MAP1LC3B: variants seen among roughly 807,000 people sequenced by gnomAD.
The protein encoded by MAP1LC3B is microtubule associated protein 1 light chain 3 beta.
MAP1LC3B carries 12 observed loss-of-function variants against 16.7 expected under a neutral mutation model. The observed-to-expected ratio is 0.72, with a 90% CI of 0.46 to 1.16. The LOEUF (loss-of-function observed/expected upper bound fraction) is 1.16. MAP1LC3B is among the 50% of genes most tolerant of loss of function. The pLI is 0.00. For missense variants in MAP1LC3B, 155 were observed against 159.5 expected, an observed-to-expected ratio of 0.97 and a Z score of 0.15; for synonymous variants, 63 against 56.5, an observed-to-expected ratio of 1.11 and a Z score of -0.51.
chr16:87,394,455 A>G (rs1187769443), intron 1 of MAP1LC3B, among the ~76,000 whole-genome samples: 1 of 152,204 alleles, frequency 6.6e-6, no homozygotes, highest in Non-Finnish European at 1.5e-5. Context: ...TTTCCAAGTG[A>G]GTGAGTTTAA....
intron 1 of MAP1LC3B, among the ~76,000 whole-genome samples, chr16:87,396,271 T>C (rs1301290612): frequency 6.6e-6 from 1 of 151,202 alleles, no homozygotes; most frequent in African/African-American, 2.4e-5. Flanking sequence ...GTCAGGAGAT[T>C]GAGACCATCC....
rs1438283819 is a variant in MAP1LC3B at position 87,403,610 on chromosome 16, GGCACAAAC to G, written c.*517_*524del. 1 of 153,234 alleles carries G rather than the reference GGCACAAAC, an allele frequency of 6.5e-6. No homozygotes were observed. The highest frequency in any genetic ancestry group is 2.4e-5 in the African/African-American group (1 of 41,402). The allele number at this position is 153,234 out of a possible 1,614,324, so 9.5% of individuals were successfully genotyped here. A position where few individuals can be genotyped will look rare whatever the true frequency, so the allele number is the denominator to read the frequency against. ...GCAAAACGCATTTGCCATCACAGTT[GGCACAAAC>G]GCAGGGTAAACGGGCTGTGTGAGAA... is the stretch of plus-strand genomic sequence containing the variant. On this transcript the variant is annotated 3_prime_UTR_variant, in exon 4 of 4. Coordinates refer to ENST00000268607, the MANE Select transcript of MAP1LC3B (RefSeq NM_022818.5).
intron 2 of MAP1LC3B, chr16:87,399,492 G>A (rs540052820): frequency 3.0e-5 from 12 of 396,632 alleles, no homozygotes; most frequent in South Asian, 1.3e-4. Flanking sequence ...AGAACCCTAT[G>A]TAGGTCTCAC....
At position 87,398,549 on chromosome 16, in the gene MAP1LC3B, A is replaced by G. The variant is rs570815191; in HGVS notation, c.41-266A>G. 3.3e-5 allele frequency among the ~76,000 whole-genome samples: 5 copies of G among 152,346 alleles called. No homozygotes were observed. In the South Asian group the frequency reaches 8.3e-4, roughly 25 times the overall value. ...TCTGACCACAAACTTTGGGCTCCCAATTCCTTGAAACTAGTTGTCCCATAT... is the reference window on the plus strand; with the variant it reads ...TCTGACCACAAACTTTGGGCTCCCAGTTCCTTGAAACTAGTTGTCCCATAT... On this transcript the variant is annotated intron_variant, in intron 1 of 3. Coordinates refer to ENST00000268607, the MANE Select transcript of MAP1LC3B (RefSeq NM_022818.5).
At chr16:87,401,613 A>G (rs1182904766) in intron 2 of MAP1LC3B, among the ~76,000 whole-genome samples, 1 of 152,112 alleles carries the variant, frequency 6.6e-6, no homozygotes, top group Admixed American at 6.5e-5. Flanking sequence ...GCTCACTGCA[A>G]CCTCCGCCTC....
rs775303865 is a variant in MAP1LC3B, at chr16:87,402,953, C to G, written c.234C>G (p.Ala78=). 1.1e-5 allele frequency: 17 copies of G among 1,613,866 alleles called. No individual in the cohort carries two copies. The Middle Eastern group carries it at 4.9e-4, about 47-fold the overall frequency. Residue 78 remains alanine, a synonymous_variant, in exon 4 of 4, where the codon GCC becomes GCG. Coordinates refer to ENST00000268607, the MANE Select transcript of MAP1LC3B (RefSeq NM_022818.5). Reference sequence around the variant, plus strand: ...GCTTACAGCTCAATGCTAATCAGGCCTTCTTCCTGTTGGTGAACGGACACA... The same window carrying G: ...GCTTACAGCTCAATGCTAATCAGGCGTTCTTCCTGTTGGTGAACGGACACA... The part of the protein sequence containing the change: ...RRRLQLNANQ[A]FFLLVNGHSM...
intron 2 of MAP1LC3B, among the ~76,000 whole-genome samples, chr16:87,401,424 C>G (rs915032527): frequency 6.6e-6 from 1 of 152,242 alleles, no homozygotes; most frequent in South Asian, 2.1e-4. Context: ...AATGATCACT[C>G]TTCACAGGAG....
rs572668282 is a variant in MAP1LC3B at position 87,398,022 on chromosome 16, A to T, written c.41-793A>T. ...AAGTGATTCTATTAAAAGGGAGAAA[A>T]GAATTTTTTTTTTTTTTTGAGATGG... On this transcript the variant is annotated intron_variant, in intron 1 of 3. Coordinates refer to ENST00000268607, the MANE Select transcript of MAP1LC3B (RefSeq NM_022818.5). Among the ~76,000 whole-genome samples, 343 of 151,766 alleles carry T rather than the reference A, an allele frequency of 2.3e-3. 1 individual carries two copies. The highest frequency in any genetic ancestry group is 7.9e-3 in the African/African-American group (325 of 41,292).
chr16:87,400,179 A>ATTTTT lies in MAP1LC3B; in HGVS notation c.96+1321_96+1325dup, dbSNP rs113551235. The ATTTTT allele has an allele frequency of 2.4e-5, 3 of 124,656 alleles. No individual in the cohort carries two copies. The Admixed American group carries it at 2.5e-4, about 10-fold the overall frequency. 7.7% of individuals were successfully genotyped at this position (124,656 alleles called of 1,614,324 possible). On this transcript the variant is annotated intron_variant, in intron 2 of 3. Transcript: ENST00000268607. The stretch of plus-strand genomic sequence containing the variant: ...GTGTGTGTGTGTGTGTGTGTATAAA[A>ATTTTT]TTTTTTTTTTTTTTTTGAGATGCAG...
chr16:87,398,148 G>A (rs759358855), intron 1 of MAP1LC3B, among the ~76,000 whole-genome samples: 4 of 151,694 alleles, frequency 2.6e-5, no homozygotes, highest in Non-Finnish European at 4.4e-5. Context: ...TCAGCCTCCC[G>A]AGTAGCTGGG....
intron 3 of MAP1LC3B, 175 bp from the exon 4 acceptor site, chr16:87,402,748 A>G: frequency 1.3e-6 from 1 of 767,152 alleles, no homozygotes; most frequent in South Asian, 1.9e-5. Context: ...TTCAGTGATT[A>G]TAGCTCATGT....
rs754075642 is a variant in MAP1LC3B at position 87,392,482 on chromosome 16, G to C, written c.40+15G>C. 7.6e-7 allele frequency: 1 copy of C among 1,311,112 alleles called. No homozygotes were observed. The highest frequency in any genetic ancestry group is 9.7e-7 in the Non-Finnish European group (1 of 1,034,752). 81.2% of individuals were successfully genotyped at this position (1,311,112 alleles called of 1,614,324 possible). ...CCGCACCTTCGGTGAGTGTCGCCGC[G>C]AGGGCGGCGGGTGCGGCGGGGCCGG... On this transcript the variant is annotated intron_variant, in intron 1 of 3. Transcript: ENST00000268607.
intron 2 of MAP1LC3B, 97 bp downstream of exon 2, chr16:87,398,967 G>C: frequency 9.4e-7 from 1 of 1,066,956 alleles, no homozygotes; most frequent in East Asian, 2.4e-5. Context: ...GGAATCACCA[G>C]ACAGCCAAAC....
At chr16:87,396,191 T>G (rs986894118) in intron 1 of MAP1LC3B, among the ~76,000 whole-genome samples, 3 of 151,716 alleles carry the variant, frequency 2.0e-5, no homozygotes, top group African/African-American at 4.8e-5. Flanking sequence ...AAAAAATGTT[T>G]CCAGCCGGGT....
At chr16:87,397,732 GA>G (rs2150711146) in intron 1 of MAP1LC3B, among the ~76,000 whole-genome samples, 1 of 152,080 alleles carries the variant, frequency 6.6e-6, no homozygotes, top group African/African-American at 2.4e-5. Flanking sequence ...GGAAGTTCGT[GA>G]CATTGATTAT....
intron 2 of MAP1LC3B, chr16:87,399,668 G>T: frequency 2.2e-6 from 1 of 450,430 alleles, no homozygotes; most frequent in South Asian, 1.6e-5. Context: ...ATGAGACTCA[G>T]AGGCTCATCT....
intron 2 of MAP1LC3B, among the ~76,000 whole-genome samples, chr16:87,401,132 C>CAAAAAAAAAAAAAAAA (rs10543884): frequency 1.5e-5 from 1 of 67,574 alleles, no homozygotes; most frequent in Non-Finnish European, 2.9e-5. Flanking sequence ...GACTCTGTCT[C>CAAAAAAAAAAAAAAAA]AAAAAAAAAA....
chr16:87,401,060 G>C (rs1439580207), intron 2 of MAP1LC3B, among the ~76,000 whole-genome samples: 2 of 151,052 alleles, frequency 1.3e-5, no homozygotes, highest in African/African-American at 4.9e-5. Context: ...TTGAACCCGG[G>C]AGTCGGAGGT....
At chr16:87,401,422 C>T (rs1907989480) in intron 2 of MAP1LC3B, among the ~76,000 whole-genome samples, 1 of 152,244 alleles carries the variant, frequency 6.6e-6, no homozygotes, top group Admixed American at 6.5e-5. Flanking sequence ...CAAATGATCA[C>T]TCTTCACAGG....
Sources: allele counts gnomAD v4.1 joint callset (sites outside exome capture counted in the v4.1 genomes callset), GRCh38; gene constraint gnomAD v4.1.1; transcripts MANE v1.5; gene names NCBI Gene and HGNC (gene_info 2026-07-23, HGNC 2026-07-21).